The following CXCL13 variants were observed in gnomAD, a reference collection of about 807,000 sequenced individuals.
CXCL13 encodes the protein C-X-C motif chemokine ligand 13, also known as C-X-C motif chemokine 13.
In CXCL13, 7 loss-of-function variants were observed where a neutral mutation model predicts 12.2. The ratio of observed to expected loss-of-function variants is 0.57; its 90% CI spans 0.33 to 1.07. CXCL13 has a LOEUF of 1.07. Among genes scored for constraint, CXCL13 ranks in the 50% least tolerant of loss-of-function variants. The pLI, the probability that CXCL13 is intolerant of heterozygous loss-of-function variation, is 0.04. For synonymous variants in CXCL13, 47 were observed against 42.4 expected (o/e 1.11, Z -0.42); for missense variants, 113 against 127.4 (o/e 0.89, Z 0.55).
upstream of CXCL13, among the ~76,000 whole-genome samples, chr4:77,602,660 A>G (rs902374004): frequency 6.6e-6 from 1 of 151,904 alleles, no homozygotes; most frequent in African/African-American, 2.4e-5. Flanking sequence ...AAACTTCCCT[A>G]TAATTTTCTC....
chr4:77,520,395 C>A (rs1330891068), intron 1 of CXCL13, among the ~76,000 whole-genome samples: 6 of 152,090 alleles, frequency 3.9e-5, no homozygotes, highest in Non-Finnish European at 8.8e-5. Flanking sequence ...TTTCCTTGAG[C>A]AGTGGTTTGT....
At chr4:77,554,391 A>T (rs551496136) in intron 1 of CXCL13, among the ~76,000 whole-genome samples, 3 of 152,228 alleles carry the variant, frequency 2.0e-5, no homozygotes, top group Non-Finnish European at 4.4e-5. Context: ...ATGATAACAG[A>T]GTATTTAATC....
intron 1 of CXCL13, among the ~76,000 whole-genome samples, chr4:77,525,395 G>T (rs1198753571): frequency 3.3e-5 from 5 of 152,106 alleles, no homozygotes; most frequent in African/African-American, 4.8e-5. Context: ...TTTTAGGGTG[G>T]TAAGATTTCT....
rs1423963769 is a variant in CXCL13 at position 77,566,868 on chromosome 4, T to C, written c.-42-38956T>C. ...TTGAGTTAGGTTACAAATTATGTTATTTAAGGTAATTTTGGGTGTCGGGCC... is the reference window on the plus strand; with the variant it reads ...TTGAGTTAGGTTACAAATTATGTTACTTAAGGTAATTTTGGGTGTCGGGCC... On this transcript the variant is annotated intron_variant, in intron 1 of 4. Coordinates refer to the CXCL13 transcript ENST00000286758. 2.0e-5 allele frequency among the ~76,000 whole-genome samples: 3 copies of C among 152,200 alleles called. No individual in the cohort carries two copies. The East Asian group carries it at 5.8e-4, about 29-fold the overall frequency.
intron 1 of CXCL13, among the ~76,000 whole-genome samples, chr4:77,575,388 C>A (rs1365376510): frequency 1.3e-5 from 2 of 151,834 alleles, no homozygotes; most frequent in African/African-American, 4.9e-5. Context: ...TGTTGATTTG[C>A]TGCACCCATC....
intron 1 of CXCL13, among the ~76,000 whole-genome samples, chr4:77,516,822 A>C (rs1026704663): frequency 1.5e-4 from 23 of 151,644 alleles, no homozygotes; most frequent in Non-Finnish European, 3.2e-4. Context: ...TTCTGCTCTG[A>C]TCTTAGTTAT....
chr4:77,574,656 G>A (rs1046384680), intron 1 of CXCL13, among the ~76,000 whole-genome samples: 3 of 151,940 alleles, frequency 2.0e-5, no homozygotes, highest in African/African-American at 4.9e-5. Flanking sequence ...ATTATAGAAT[G>A]AGCTGATTGG....
intron 1 of CXCL13, among the ~76,000 whole-genome samples, chr4:77,528,770 C>A (rs1192298520): frequency 1.3e-5 from 2 of 152,156 alleles, no homozygotes; most frequent in South Asian, 4.1e-4. Context: ...TGTGCAGAAG[C>A]TCTTCAGTTT....
intron 1 of CXCL13, among the ~76,000 whole-genome samples, chr4:77,535,176 T>G (rs1371391510): frequency 6.6e-6 from 1 of 152,234 alleles, no homozygotes; most frequent in African/African-American, 2.4e-5. Flanking sequence ...TCAGATCTCT[T>G]TTTTAGAAAC....
intron 1 of CXCL13, among the ~76,000 whole-genome samples, chr4:77,565,572 G>A (rs2109815365): frequency 6.6e-6 from 1 of 152,260 alleles, no homozygotes; most frequent in East Asian, 1.9e-4. Context: ...CAATAATAGT[G>A]GTTCTGACCT....
At chr4:77,543,415 C>T (rs1359363179) in intron 1 of CXCL13, among the ~76,000 whole-genome samples, 1 of 151,898 alleles carries the variant, frequency 6.6e-6, no homozygotes, top group African/African-American at 2.4e-5. Context: ...TTAGCTCATT[C>T]TTGTTTTTAT....
chr4:77,552,606 C>T (rs1177605525), intron 1 of CXCL13, among the ~76,000 whole-genome samples: 2 of 152,212 alleles, frequency 1.3e-5, no homozygotes, highest in Non-Finnish European at 2.9e-5. Flanking sequence ...TGGGGCTGGA[C>T]CAGGCAGGTC....
intron 1 of CXCL13, among the ~76,000 whole-genome samples, chr4:77,525,352 G>A (rs1724737009): frequency 6.6e-6 from 1 of 152,166 alleles, no homozygotes; most frequent in Admixed American, 6.6e-5. Flanking sequence ...TTTCTTCAAA[G>A]GAAGATTTTT....
In CXCL13 at chr4:77,543,482, T is replaced by A. The variant is rs559968170; in HGVS notation, c.-43+31694T>A. 7.2e-5 allele frequency among the ~76,000 whole-genome samples: 11 copies of A among 152,248 alleles called. No homozygotes were observed. In the East Asian group the frequency reaches 9.7e-4, roughly 13 times the overall value. Reference sequence around the variant, plus strand: ...TTGAGATCTTTCCAACTTTTTGACATAGGCATTTAGCACTATTAACTTTCC... The same window carrying A: ...TTGAGATCTTTCCAACTTTTTGACAAAGGCATTTAGCACTATTAACTTTCC... On this transcript the variant is annotated intron_variant, in intron 1 of 4. Transcript: ENST00000286758.
chr4:77,593,178 G>A (rs778688957), intron 1 of CXCL13, among the ~76,000 whole-genome samples: 4 of 152,170 alleles, frequency 2.6e-5, no homozygotes, highest in African/African-American at 4.8e-5. Flanking sequence ...ACAGAGGCGA[G>A]CAGAAAGTAG....
At chr4:77,534,623 A>G (rs1339300177) in intron 1 of CXCL13, among the ~76,000 whole-genome samples, 4 of 152,350 alleles carry the variant, frequency 2.6e-5, no homozygotes, top group East Asian at 1.9e-4. Flanking sequence ...TGAATCTACA[A>G]TGATCTAAAA....
intron 1 of CXCL13, among the ~76,000 whole-genome samples, chr4:77,548,934 C>T (rs1725439809): frequency 6.6e-6 from 1 of 152,186 alleles, no homozygotes; most frequent in African/African-American, 2.4e-5. Context: ...GAGTGTTTTC[C>T]AACTTGGTTC....
chr4:77,542,236 T>C (rs1560520339), intron 1 of CXCL13, among the ~76,000 whole-genome samples: 1 of 152,094 alleles, frequency 6.6e-6, no homozygotes, highest in Non-Finnish European at 1.5e-5. Flanking sequence ...CTTAGACTTT[T>C]GGAACTATGT....
chr4:77,551,939 C>T (rs1725534582), intron 1 of CXCL13, among the ~76,000 whole-genome samples: 1 of 152,084 alleles, frequency 6.6e-6, no homozygotes, highest in African/African-American at 2.4e-5. Flanking sequence ...TCCAGAAGCT[C>T]TGGTTGATTT....
Sources: allele counts gnomAD v4.1 joint callset (sites outside exome capture counted in the v4.1 genomes callset), GRCh38; gene constraint gnomAD v4.1.1; transcripts MANE v1.5; gene names NCBI Gene and HGNC (gene_info 2026-07-23, HGNC 2026-07-21).